Variants in HLTF observed in about 807,000 individuals in gnomAD.
HLTF encodes the protein helicase like transcription factor.
Under a neutral mutation model 129.4 loss-of-function variants are expected in HLTF, and 127 were observed. The observed-to-expected ratio is 0.98, with a 90% CI of 0.85 to 1.14. HLTF has a LOEUF of 1.14. HLTF is among the 50% of genes most tolerant of loss of function. The probability of loss-of-function intolerance (pLI) is 0.00; values close to 1 mark genes in which losing one functional copy is unlikely to be tolerated. For synonymous variants in HLTF, 332 were observed against 388.8 expected (o/e 0.85, Z 1.72); for missense variants, 1,139 against 1,187.1 (o/e 0.96, Z 0.60).
Position 149,058,899 on chromosome 3 carries a change from G to A in HLTF, c.1375+819C>T, listed in dbSNP as rs149449703. On this transcript the variant is annotated intron_variant, in intron 13 of 24. Coordinates refer to ENST00000310053, the MANE Select transcript of HLTF (RefSeq NM_003071.4). ...TGTGTAATTTAATTCTATCTCAACC[G>A]AAATTTCCACATTTCTTTAAATTTC... Among the ~76,000 whole-genome samples, 12 of 152,238 alleles carry A rather than the reference G, an allele frequency of 7.9e-5. No homozygotes were observed. In the East Asian group the frequency reaches 2.1e-3, roughly 27 times the overall value.
At position 149,075,491 on chromosome 3, in the gene HLTF, C is replaced by T. The variant is rs770529259; in HGVS notation, c.395+390G>A. Among the ~76,000 whole-genome samples the T allele has an allele frequency of 5.3e-4, 80 of 152,254 alleles. No individual in the cohort carries two copies. The Middle Eastern group carries it at 0.01, about 19-fold the overall frequency. On this transcript the variant is annotated intron_variant, in intron 3 of 24. Transcript: ENST00000310053. Reference sequence around the variant, plus strand: ...CCCTGGAGGCGGAGGTTGCAGTCAGCCGAGATCACACAACTGCACTGCAGC... The same window carrying T: ...CCCTGGAGGCGGAGGTTGCAGTCAGTCGAGATCACACAACTGCACTGCAGC...
chr3:149,074,051 G>A (rs1719111414), intron 4 of HLTF, among the ~76,000 whole-genome samples, 164 bp downstream of exon 4: 1 of 151,918 alleles, frequency 6.6e-6, no homozygotes, highest in Non-Finnish European at 1.5e-5. Context: ...TTCAATAGAG[G>A]CAAAAGGAAA....
At chr3:149,035,840 A>G (rs114830634) in intron 23 of HLTF, among the ~76,000 whole-genome samples, 2,792 of 152,214 alleles carry the variant, frequency 0.018, 91 homozygotes, top group African/African-American at 0.064. Context: ...TTTAAGCTAA[A>G]AAATAAAATG....
chr3:149,032,012 G>C lies in HLTF; in HGVS notation c.*208C>G. On this transcript the variant is annotated 3_prime_UTR_variant, in exon 25 of 25. Transcript: ENST00000310053. ...TTTTCTCAAATTATTTCAGGCCACAGTATATAACGGAACTTATTGCTATTT... is the reference window on the plus strand; with the variant it reads ...TTTTCTCAAATTATTTCAGGCCACACTATATAACGGAACTTATTGCTATTT... 2.7e-6 allele frequency: 1 copy of C among 377,242 alleles called. No individual in the cohort carries two copies. Among genetic ancestry groups the C allele is most frequent in the Non-Finnish European group, 4.7e-6 (1 of 214,094 alleles). 23.4% of individuals were successfully genotyped at this position (377,242 alleles called of 1,614,324 possible).
intron 15 of HLTF, among the ~76,000 whole-genome samples, chr3:149,049,935 T>G (rs1716841770): frequency 6.6e-6 from 1 of 151,264 alleles, no homozygotes; most frequent in Non-Finnish European, 1.5e-5. Flanking sequence ...GAGGTTGCAG[T>G]GAGCTGAGAT....
rs1718223019 is a variant in HLTF at position 149,064,870 on chromosome 3, G to A, written c.991-4C>T. 1.9e-6 allele frequency: 3 copies of A among 1,540,000 alleles called. No homozygotes were observed. The highest frequency in any genetic ancestry group is 2.3e-5 in the East Asian group (1 of 44,316). On this transcript the variant is annotated splice_polypyrimidine_tract_variant and splice_region_variant and intron_variant, in intron 8 of 24. Transcript: ENST00000310053. ...AGTCATCGTTAACATTATATTCCTG[G>A]GTAAATAGGCATATTTCTTAAACAG...
In HLTF at chr3:149,055,174, T is replaced by C. The variant is rs1717315238; in HGVS notation, c.1473+129A>G. The C allele has an allele frequency of 5.1e-6, 3 of 586,176 alleles. No homozygotes were observed. In the Admixed American group the frequency reaches 1.0e-4, roughly 20 times the overall value. 36.3% of individuals were successfully genotyped at this position (586,176 alleles called of 1,614,324 possible). A position where few individuals can be genotyped will look rare whatever the true frequency, so the allele number is the denominator to read the frequency against. The stretch of plus-strand genomic sequence containing the variant: ...AACATAATCCAATTCACCTGATGAT[T>C]ATTTGAACTTAGATACGAACTGATG... On this transcript the variant is annotated intron_variant, in intron 14 of 24. Transcript: ENST00000310053.
intron 8 of HLTF, among the ~76,000 whole-genome samples, chr3:149,066,626 C>T (rs1036374537): frequency 6.6e-6 from 1 of 151,328 alleles, no homozygotes; most frequent in African/African-American, 2.4e-5. Context: ...AACCTTTCTA[C>T]TATAAAACAC....
At position 149,040,152 on chromosome 3, in the gene HLTF, T is replaced by C; in HGVS notation, c.2381A>G (p.His794Arg). Residue 794 changes from histidine (H) to arginine (R), a missense_variant, in exon 21 of 25, where the codon CAT becomes CGT. His to Arg is a conservative substitution (Grantham distance 29). Coordinates refer to ENST00000310053, the MANE Select transcript of HLTF (RefSeq NM_003071.4). Reference sequence around the variant, plus strand: ...ATTTCTGCATAAAGGGCATTTAGCATGTGGCTATATAAGAAAGAACGAAGT... The same window carrying C: ...ATTTCTGCATAAAGGGCATTTAGCACGTGGCTATATAAGAAAGAACGAAGT... ...ICQVIQNEQP[H>R]AKCPLCRNDI... is the part of the protein sequence containing the mutation. 6.2e-7 allele frequency: 1 copy of C among 1,606,082 alleles called. No individual in the cohort carries two copies. Among genetic ancestry groups the C allele is most frequent in the African/African-American group, 1.3e-5 (1 of 74,914 alleles).
chr3:149,076,335 A>G (rs554716883), intron 2 of HLTF, among the ~76,000 whole-genome samples: 1 of 152,212 alleles, frequency 6.6e-6, no homozygotes, highest in Non-Finnish European at 1.5e-5. Context: ...TTTCAACATC[A>G]TAACTTCTGA....
chr3:149,043,844 A>G (rs1344326879), intron 18 of HLTF, among the ~76,000 whole-genome samples: 19 of 152,180 alleles, frequency 1.2e-4, no homozygotes, highest in Admixed American at 1.2e-3. Context: ...TAACAGTGGC[A>G]TTGTAAAAGT....
rs1719156676 is a variant in HLTF at position 149,074,411 on chromosome 3, AT to A, written c.396-64del. ...GCATTACTTTTTATCCCCACTAAGA[AT>A]TAGTTCAATATTTTAAGTGTATCAT... On this transcript the variant is annotated intron_variant, in intron 3 of 24. Coordinates refer to ENST00000310053, the MANE Select transcript of HLTF (RefSeq NM_003071.4). The A allele has an allele frequency of 4.8e-6, 7 of 1,445,352 alleles. No individual in the cohort carries two copies. The Middle Eastern group carries it at 7.3e-4, about 150-fold the overall frequency. The allele number at this position is 1,445,352 out of a possible 1,614,324, so 89.5% of individuals were successfully genotyped here.
intron 23 of HLTF, among the ~76,000 whole-genome samples, chr3:149,035,688 G>T (rs1203875169): frequency 6.9e-6 from 1 of 144,044 alleles, no homozygotes; most frequent in East Asian, 2.0e-4. Flanking sequence ...AAAAAAGGGG[G>T]TTTTAAGAGT....
chr3:149,070,978 G>C (rs771911399), intron 7 of HLTF, among the ~76,000 whole-genome samples: 1 of 151,756 alleles, frequency 6.6e-6, no homozygotes, highest in Non-Finnish European at 1.5e-5. Flanking sequence ...CTGGGAGGCG[G>C]AGGCTGCAGT....
At chr3:149,054,799 C>T (rs1168098276) in intron 14 of HLTF, among the ~76,000 whole-genome samples, 1 of 152,162 alleles carries the variant, frequency 6.6e-6, no homozygotes, top group Non-Finnish European at 1.5e-5. Context: ...CCTTAGGCAA[C>T]TTAACCTCTC....
Position 149,046,264 on chromosome 3 carries a change from T to A in HLTF, c.1893-5A>T. 1 of 1,439,756 alleles carries A rather than the reference T, an allele frequency of 6.9e-7. No individual in the cohort carries two copies. The highest frequency in any genetic ancestry group is 9.6e-7 in the Non-Finnish European group (1 of 1,046,594). 89.2% of individuals were successfully genotyped at this position (1,439,756 alleles called of 1,614,324 possible). On this transcript the variant is annotated splice_region_variant and splice_polypyrimidine_tract_variant and intron_variant, in intron 17 of 24. Transcript: ENST00000310053. ...TTAATTAGGGACTGTAAACGCCTAA[T>A]CAGAATAAAACAAATAATTATGTAA...
intron 14 of HLTF, among the ~76,000 whole-genome samples, chr3:149,051,353 A>G (rs1716966075): frequency 6.6e-6 from 1 of 152,182 alleles, no homozygotes; most frequent in Non-Finnish European, 1.5e-5. Flanking sequence ...TACTAGGAAA[A>G]TGTAAATAAT....
rs1720450767 is a variant in HLTF at position 149,086,527 on chromosome 3, A to G, written c.-191T>C. The G allele has an allele frequency of 1.1e-5, 7 of 629,396 alleles. No individual in the cohort carries two copies. The highest frequency in any genetic ancestry group is 5.5e-5 in the African/African-American group (3 of 54,346). 39.0% of individuals were successfully genotyped at this position (629,396 alleles called of 1,614,324 possible). On this transcript the variant is annotated 5_prime_UTR_variant, in exon 1 of 25. Transcript: ENST00000310053. ...GACGTCGACGCCGTCTCCTTCTGCA[A>G]CAATCTGGGAGACCAGCGTCGCTCT...
chr3:149,059,648 A>T (rs1334931784), intron 13 of HLTF, 70 bp downstream of exon 13: 3 of 920,868 alleles, frequency 3.3e-6, no homozygotes, highest in Non-Finnish European at 1.7e-6. Context: ...TTTATAACTT[A>T]AAATTTTAAA....
Sources: gnomAD v4.1 joint callset for allele counts (sites outside exome capture counted in the v4.1 genomes callset) on GRCh38, gnomAD v4.1.1 for gene constraint, MANE v1.5 for transcripts, NCBI Gene and HGNC (gene_info 2026-07-23, HGNC 2026-07-21) for gene names.